Variants in RBFOX1 observed in about 807,000 individuals in gnomAD.
RBFOX1 encodes RNA binding protein fox-1 homolog 1.
Under a neutral mutation model 57.7 loss-of-function variants are expected in RBFOX1, and 8 were observed. That is an observed-to-expected ratio of 0.14 (90% CI 0.08 to 0.25). RBFOX1 has a LOEUF of 0.25. RBFOX1 is among the 10% of genes least tolerant of loss of function. The probability of loss-of-function intolerance (pLI) is 1.00; values close to 1 mark genes in which losing one functional copy is unlikely to be tolerated. For missense variants in RBFOX1, 611 were observed against 548.5 expected (o/e 1.11, Z -1.14); for synonymous variants, 326 against 222.4 (o/e 1.47, Z -4.15).
intron 2 of RBFOX1, among the ~76,000 whole-genome samples, chr16:6,398,237 T>C (rs1023680584): frequency 1.3e-5 from 2 of 152,136 alleles, no homozygotes; most frequent in Non-Finnish European, 2.9e-5. Flanking sequence ...GTTTCTCCCA[T>C]AACATATGCG....
intron 2 of RBFOX1, among the ~76,000 whole-genome samples, chr16:6,337,065 A>T (rs1398438377): frequency 2.0e-5 from 3 of 152,206 alleles, no homozygotes; most frequent in Non-Finnish European, 2.9e-5. Flanking sequence ...TTGGAACCCA[A>T]GAGTTCAGAG....
Position 7,391,299 on chromosome 16 carries a change from G to T in RBFOX1, c.28-126848G>T, listed in dbSNP as rs951029201. 9.2e-5 allele frequency among the ~76,000 whole-genome samples: 14 copies of T among 152,230 alleles called. No individual in the cohort carries two copies. The South Asian group carries it at 2.1e-3, about 23-fold the overall frequency. ...CCTCTAAGAGAGTTTTTGGGCATGT[G>T]CCCTGGTTTGTAAAAGAAGGGCCCT... is the stretch of plus-strand genomic sequence containing the variant. On this transcript the variant is annotated intron_variant, in intron 4 of 15. Coordinates refer to ENST00000550418, the MANE Select transcript of RBFOX1 (RefSeq NM_018723.4).
At chr16:5,328,073 C>A (rs2064636633) in intron 1 of RBFOX1, among the ~76,000 whole-genome samples, 1 of 152,130 alleles carries the variant, frequency 6.6e-6, no homozygotes, top group South Asian at 2.1e-4. Context: ...AGTCCAGGCA[C>A]CAGGAGACGT....
At chr16:6,894,420 CT>C (rs1415224640) in intron 3 of RBFOX1, among the ~76,000 whole-genome samples, 2 of 152,178 alleles carry the variant, frequency 1.3e-5, no homozygotes, top group Non-Finnish European at 2.9e-5. Flanking sequence ...GGCAGCACTT[CT>C]CTAATTCTGT....
chr16:7,006,840 T>G (rs563180837), intron 3 of RBFOX1, among the ~76,000 whole-genome samples: 1 of 152,272 alleles, frequency 6.6e-6, no homozygotes, highest in African/African-American at 2.4e-5. Context: ...TCCCAAGCAG[T>G]GGAATCACAC....
At chr16:6,181,378 T>A (rs2097061047) in intron 1 of RBFOX1, among the ~76,000 whole-genome samples, 1 of 152,054 alleles carries the variant, frequency 6.6e-6, no homozygotes, top group African/African-American at 2.4e-5. Flanking sequence ...CTCCAGTCGA[T>A]TTTTGGTGAA....
At chr16:6,737,861 T>C (rs1479120366) in intron 3 of RBFOX1, among the ~76,000 whole-genome samples, 11 of 152,144 alleles carry the variant, frequency 7.2e-5, no homozygotes, top group Admixed American at 7.2e-4. Context: ...CTAAACAAAA[T>C]GTACTATAAT....
intron 4 of RBFOX1, among the ~76,000 whole-genome samples, chr16:7,232,033 CT>C (rs892466268): frequency 1.6e-4 from 24 of 148,390 alleles, no homozygotes; most frequent in South Asian, 6.4e-4. Context: ...GAATTGTTTC[CT>C]TTTTTTTTTG....
At chr16:7,257,922 C>G (rs2094761714) in intron 4 of RBFOX1, among the ~76,000 whole-genome samples, 1 of 152,156 alleles carries the variant, frequency 6.6e-6, no homozygotes, top group African/African-American at 2.4e-5. Flanking sequence ...ATCTTCGTAT[C>G]TCCTGCTTTC....
chr16:5,849,318 C>G (rs139374523), intron 3 of RBFOX1, among the ~76,000 whole-genome samples: 4 of 152,124 alleles, frequency 2.6e-5, no homozygotes, highest in South Asian at 2.1e-4. Context: ...CAAGTGTCAC[C>G]AGGTATTGGG....
At chr16:5,887,403 T>C (rs968345062) in intron 4 of RBFOX1, among the ~76,000 whole-genome samples, 2 of 152,094 alleles carry the variant, frequency 1.3e-5, no homozygotes, top group Non-Finnish European at 1.5e-5. Flanking sequence ...CCTGTGTTAT[T>C]TGTTTGTTTG....
chr16:5,882,718 C>T (rs189498003), intron 4 of RBFOX1, among the ~76,000 whole-genome samples: 36 of 152,250 alleles, frequency 2.4e-4, no homozygotes, highest in Middle Eastern at 6.8e-3. Context: ...GCAGCAGAGG[C>T]CCCATGTGCC....
intron 1 of RBFOX1, among the ~76,000 whole-genome samples, chr16:5,312,580 G>A (rs2064121649): frequency 6.6e-6 from 1 of 152,172 alleles, no homozygotes; most frequent in South Asian, 2.1e-4. Context: ...CTCCCAAAGT[G>A]CTGGGATTAC....
intron 3 of RBFOX1, among the ~76,000 whole-genome samples, chr16:7,017,085 C>T (rs1887301994): frequency 6.6e-6 from 1 of 152,132 alleles, no homozygotes; most frequent in Non-Finnish European, 1.5e-5. Flanking sequence ...GAGCAGAACT[C>T]ATTTTTCAAA....
At chr16:5,483,547 C>A (rs1192645251) in intron 2 of RBFOX1, among the ~76,000 whole-genome samples, 1 of 152,166 alleles carries the variant, frequency 6.6e-6, no homozygotes, top group East Asian at 1.9e-4. Flanking sequence ...CCTGTCTATC[C>A]CAGCCACCGT....
chr16:5,435,786 A>C (rs1283648477), intron 1 of RBFOX1, among the ~76,000 whole-genome samples: 6 of 152,244 alleles, frequency 3.9e-5, no homozygotes, highest in Non-Finnish European at 8.8e-5. Context: ...ATTCTCTGGC[A>C]CATAATTTTT....
At chr16:6,075,555 T>C (rs751633100) in intron 1 of RBFOX1, among the ~76,000 whole-genome samples, 12 of 152,230 alleles carry the variant, frequency 7.9e-5, no homozygotes, top group Non-Finnish European at 1.3e-4. Context: ...AAGTCAATTG[T>C]AAGATTTACG....
intron 1 of RBFOX1, among the ~76,000 whole-genome samples, chr16:6,184,242 T>A (rs1339025689): frequency 6.6e-6 from 1 of 152,146 alleles, no homozygotes; most frequent in African/African-American, 2.4e-5. Context: ...AGATGAGATT[T>A]GGGTGGGGAC....
chr16:5,589,669 T>C (rs2046943079), intron 2 of RBFOX1, among the ~76,000 whole-genome samples: 1 of 152,194 alleles, frequency 6.6e-6, no homozygotes, highest in African/African-American at 2.4e-5. Context: ...GCAAAGTCCA[T>C]AATGGACTGG....
Sources: gnomAD v4.1 joint callset for allele counts (sites outside exome capture counted in the v4.1 genomes callset) on GRCh38, gnomAD v4.1.1 for gene constraint, MANE v1.5 for transcripts, NCBI Gene and HGNC (gene_info 2026-07-23, HGNC 2026-07-21) for gene names.